Variants in DCLK1 observed in about 807,000 individuals in gnomAD.
The protein encoded by DCLK1 is serine/threonine-protein kinase DCLK1.
Under a neutral mutation model 86.2 loss-of-function variants are expected in DCLK1, and 16 were observed. The ratio of observed to expected loss-of-function variants is 0.19; its 90% confidence interval spans 0.13 to 0.28. DCLK1 has a LOEUF of 0.28. DCLK1 is among the 10% of genes least tolerant of loss of function. The pLI, the probability that DCLK1 is intolerant of heterozygous loss-of-function variation, is 1.00. For synonymous variants in DCLK1, 369 were observed against 370.5 expected (o/e 1.00, Z 0.05); for missense variants, 590 against 940.2 (o/e 0.63, Z 4.87).
chr13:35,790,465 C>A (rs1593590957), intron 16 of DCLK1, among the ~76,000 whole-genome samples: 1 of 152,148 alleles, frequency 6.6e-6, no homozygotes, highest in Non-Finnish European at 1.5e-5. Context: ...AACACTATGT[C>A]CTAAATAATA....
chr13:35,801,970 AT>A (rs1359847210), intron 15 of DCLK1, among the ~76,000 whole-genome samples: 1 of 152,090 alleles, frequency 6.6e-6, no homozygotes, highest in Non-Finnish European at 1.5e-5. Flanking sequence ...ACTGTCAGAT[AT>A]CTTCTTCCCA....
At chr13:35,970,247 T>C (rs1006623579) in intron 3 of DCLK1, among the ~76,000 whole-genome samples, 2 of 152,212 alleles carry the variant, frequency 1.3e-5, no homozygotes, top group Admixed American at 1.3e-4. Flanking sequence ...CAGAAATTAG[T>C]TGTGAAAAGC....
chr13:35,886,565 G>A (rs539341854), intron 4 of DCLK1, among the ~76,000 whole-genome samples: 5 of 152,186 alleles, frequency 3.3e-5, no homozygotes, highest in Admixed American at 2.0e-4. Flanking sequence ...GAGATCCACC[G>A]GAGAAATTCA....
intron 3 of DCLK1, among the ~76,000 whole-genome samples, chr13:35,957,614 G>T (rs533356806): frequency 5.3e-5 from 8 of 152,226 alleles, no homozygotes; most frequent in African/African-American, 1.7e-4. Context: ...AAATCACTTT[G>T]CCTGGTATGT....
rs569304026 is a variant in DCLK1, at chr13:35,916,893, G to T, written c.823+30465C>A. ...AGACCTTCCACCTCCCTTCTCTCCT[G>T]CAGCAGGTCATAAAACCTAGAAAGG... On this transcript the variant is annotated intron_variant, in intron 4 of 16. Transcript: ENST00000360631. Among the ~76,000 whole-genome samples the T allele has an allele frequency of 1.1e-4, 16 of 152,256 alleles. No individual in the cohort carries two copies. In the East Asian group the frequency reaches 3.1e-3, roughly 30 times the overall value.
At chr13:36,007,915 T>A (rs527343477) in intron 3 of DCLK1, among the ~76,000 whole-genome samples, 36 of 152,184 alleles carry the variant, frequency 2.4e-4, no homozygotes, top group African/African-American at 8.4e-4. Flanking sequence ...AAGTTAGGGA[T>A]CATTATTTTG....
chr13:36,071,212 T>A (rs1883962278), intron 3 of DCLK1, among the ~76,000 whole-genome samples: 1 of 152,112 alleles, frequency 6.6e-6, no homozygotes, highest in East Asian at 1.9e-4. Context: ...AAATTTCCCA[T>A]GAAATTGAAC....
intron 3 of DCLK1, among the ~76,000 whole-genome samples, chr13:35,985,125 G>A (rs994705062): frequency 6.6e-6 from 1 of 152,138 alleles, no homozygotes; most frequent in African/African-American, 2.4e-5. Context: ...CAGCAATTAG[G>A]GAAATCTGGA....
intron 1 of DCLK1, among the ~76,000 whole-genome samples, chr13:36,130,603 A>C (rs1886329142): frequency 6.6e-6 from 1 of 152,126 alleles, no homozygotes; most frequent in South Asian, 2.1e-4. Context: ...AGACCCTGCA[A>C]ACGTACTTGC....
At chr13:35,859,739 G>T (rs1871276315) in intron 5 of DCLK1, among the ~76,000 whole-genome samples, 1 of 152,110 alleles carries the variant, frequency 6.6e-6, no homozygotes, top group South Asian at 2.1e-4. Flanking sequence ...TGTACACTTA[G>T]TACATGCTAG....
intron 3 of DCLK1, among the ~76,000 whole-genome samples, chr13:35,988,895 T>C (rs1259168919): frequency 6.6e-6 from 1 of 152,158 alleles, no homozygotes; most frequent in Non-Finnish European, 1.5e-5. Context: ...CCTGAATCTT[T>C]GCGGCCGCCC....
At chr13:35,928,025 C>T (rs1250836881) in intron 4 of DCLK1, among the ~76,000 whole-genome samples, 2 of 152,244 alleles carry the variant, frequency 1.3e-5, no homozygotes, top group African/African-American at 4.8e-5. Context: ...GTCGCTTCAA[C>T]TGGCTAGCCC....
intron 5 of DCLK1, among the ~76,000 whole-genome samples, chr13:35,863,904 A>G (rs1007187834): frequency 6.6e-6 from 1 of 152,246 alleles, no homozygotes; most frequent in African/African-American, 2.4e-5. Flanking sequence ...TTTAAATAGC[A>G]TGAATAAAAA....
intron 8 of DCLK1, among the ~76,000 whole-genome samples, chr13:35,829,615 T>C (rs978954364): frequency 6.6e-6 from 1 of 152,198 alleles, no homozygotes; most frequent in African/African-American, 2.4e-5. Context: ...TTTCATGTCA[T>C]TTACTCCTAA....
Position 36,070,295 on chromosome 13 carries a change from T to C in DCLK1, c.723+41574A>G, listed in dbSNP as rs562464901. Among the ~76,000 whole-genome samples, 9 of 152,296 alleles carry C rather than the reference T, an allele frequency of 5.9e-5. 1 individual carries two copies. In the South Asian group the frequency reaches 1.2e-3, roughly 21 times the overall value. On this transcript the variant is annotated intron_variant, in intron 3 of 16. Transcript: ENST00000360631. ...CAAAACTTATCTCACGGGATGGTTC[T>C]GAGAATTACAAGCAACAAAGCCCAT...
chr13:35,909,434 T>A (rs1264701149), intron 4 of DCLK1, among the ~76,000 whole-genome samples: 3 of 152,190 alleles, frequency 2.0e-5, no homozygotes, highest in African/African-American at 7.2e-5. Context: ...CTGTATGACA[T>A]TAAGCAACTT....
chr13:35,942,133 C>T (rs1032560693), intron 4 of DCLK1, among the ~76,000 whole-genome samples: 2 of 152,084 alleles, frequency 1.3e-5, no homozygotes, highest in Admixed American at 6.6e-5. Context: ...CCTGATGGTT[C>T]GAATCCACAC....
intron 1 of DCLK1, among the ~76,000 whole-genome samples, chr13:36,128,565 G>C (rs7359010): frequency 0.18 from 27,584 of 151,932 alleles, 2,731 homozygotes; most frequent in East Asian, 0.43. Flanking sequence ...CTCTGATGTT[G>C]GTGATTCTAT....
At chr13:35,797,021 A>G (rs1261920469) in intron 15 of DCLK1, among the ~76,000 whole-genome samples, 1 of 152,170 alleles carries the variant, frequency 6.6e-6, no homozygotes, top group Non-Finnish European at 1.5e-5. Context: ...CTGGGTGTCC[A>G]CTAATCTGGG....
Sources: gnomAD v4.1 joint callset for allele counts (sites outside exome capture counted in the v4.1 genomes callset) on GRCh38, gnomAD v4.1.1 for gene constraint, MANE v1.5 for transcripts, NCBI Gene and HGNC (gene_info 2026-07-23, HGNC 2026-07-21) for gene names.